Variants in LMX1A observed in about 807,000 individuals in gnomAD.
The protein encoded by LMX1A is LIM homeobox transcription factor 1-alpha.
Under a neutral mutation model 49.1 loss-of-function variants are expected in LMX1A, and 15 were observed. The ratio of observed to expected loss-of-function variants is 0.31; its 90% CI spans 0.20 to 0.47. The LOEUF is 0.47. Among genes scored for constraint, LMX1A ranks in the 20% least tolerant of loss-of-function variants. LMX1A has a pLI of 1.00. For missense variants in LMX1A, 372 were observed against 475.8 expected, an observed-to-expected ratio of 0.78 and a Z score of 2.03; for synonymous variants, 167 against 185.7, an observed-to-expected ratio of 0.90 and a Z score of 0.82.
intron 3 of LMX1A, among the ~76,000 whole-genome samples, chr1:165,280,577 C>A (rs1330796953): frequency 6.6e-6 from 1 of 152,176 alleles, no homozygotes; most frequent in Admixed American, 6.5e-5. Flanking sequence ...TTTGGCTTTG[C>A]GACCATCACT....
At chr1:165,255,002 A>T (rs1050042856) in intron 3 of LMX1A, among the ~76,000 whole-genome samples, 14 of 152,358 alleles carry the variant, frequency 9.2e-5, no homozygotes, top group Non-Finnish European at 1.8e-4. Flanking sequence ...CCATGGCAGT[A>T]CTAGTTGCAG....
chr1:165,342,966 C>G (rs943194955), intron 3 of LMX1A, among the ~76,000 whole-genome samples: 1 of 152,076 alleles, frequency 6.6e-6, no homozygotes, highest in Admixed American at 6.5e-5. Context: ...CTTCCCTGAG[C>G]CTTTATTTCC....
At chr1:165,213,884 C>T in intron 4 of LMX1A, 71 bp from the exon 5 acceptor site, 1 of 1,381,456 alleles carries the variant, frequency 7.2e-7, no homozygotes, top group Non-Finnish European at 1.0e-6. Flanking sequence ...TATTCCATAG[C>T]AAGGCCTCCA....
intron 3 of LMX1A, among the ~76,000 whole-genome samples, chr1:165,337,886 T>TGTGTGTGTGTGTGTGTGTG (rs1553213775): frequency 1.4e-4 from 3 of 20,782 alleles, no homozygotes; most frequent in African/African-American, 3.0e-4. Flanking sequence ...GTGTGTGTGT[T>TGTGTGTGTGTGTGTGTGTG]TCTGTGTGTG....
rs79206119 is a variant in LMX1A, at chr1:165,211,701, C to G, written c.670-925G>C. On this transcript the variant is annotated intron_variant, in intron 5 of 8. Transcript: ENST00000342310. ...TTTTATAGCACATCCTTCTGCTAAG[C>G]CAACTAAAATAGGAGTGTACTCAGG... is the stretch of plus-strand genomic sequence containing the variant. Among the ~76,000 whole-genome samples the G allele has an allele frequency of 7.8e-3, 1,194 of 152,246 alleles. 47 individuals carry two copies. The highest frequency in any genetic ancestry group is 0.062 in the Admixed American group (941 of 15,288).
intron 3 of LMX1A, among the ~76,000 whole-genome samples, chr1:165,330,599 T>C (rs1299138170): frequency 2.0e-5 from 3 of 152,188 alleles, no homozygotes; most frequent in African/African-American, 2.4e-5. Flanking sequence ...TATGTGAAGA[T>C]AGCAGACAAC....
At chr1:165,350,462 C>G (rs1656392444) in intron 3 of LMX1A, among the ~76,000 whole-genome samples, 1 of 152,148 alleles carries the variant, frequency 6.6e-6, no homozygotes, top group African/African-American at 2.4e-5. Context: ...TCATTGTCCT[C>G]TCCTCATCTA....
At chr1:165,299,457 C>T (rs888957800) in intron 3 of LMX1A, among the ~76,000 whole-genome samples, 2 of 152,026 alleles carry the variant, frequency 1.3e-5, no homozygotes, top group African/African-American at 2.4e-5. Context: ...TACCATAGGA[C>T]GGAAGGTATT....
intron 5 of LMX1A, chr1:165,212,695 G>T (rs1651461478): frequency 6.6e-6 from 1 of 152,084 alleles, no homozygotes; most frequent in Non-Finnish European, 1.5e-5. Flanking sequence ...TAAACAATAA[G>T]TACTCAATAA....
intron 3 of LMX1A, 55 bp downstream of exon 3, chr1:165,353,021 T>A: frequency 6.3e-7 from 1 of 1,575,982 alleles, no homozygotes; most frequent in South Asian, 1.1e-5. Flanking sequence ...GACAAAGTCC[T>A]CGACGCACAC....
intron 3 of LMX1A, among the ~76,000 whole-genome samples, chr1:165,297,517 C>A (rs541342637): frequency 6.6e-6 from 1 of 152,296 alleles, no homozygotes; most frequent in African/African-American, 2.4e-5. Flanking sequence ...ACTTAAGAAG[C>A]AGAACACTCA....
At chr1:165,328,308 A>T (rs1319293199) in intron 3 of LMX1A, among the ~76,000 whole-genome samples, 3 of 152,260 alleles carry the variant, frequency 2.0e-5, no homozygotes, top group Non-Finnish European at 4.4e-5. Context: ...TAAACAGATC[A>T]CATAAAGATG....
intron 3 of LMX1A, among the ~76,000 whole-genome samples, chr1:165,326,147 A>G (rs1454927914): frequency 6.6e-6 from 1 of 152,194 alleles, no homozygotes; most frequent in African/African-American, 2.4e-5. Context: ...TCCAATAGGC[A>G]TGAGAAGGCT....
intron 3 of LMX1A, among the ~76,000 whole-genome samples, chr1:165,264,373 C>A (rs1233641518): frequency 2.0e-5 from 3 of 152,194 alleles, no homozygotes; most frequent in African/African-American, 7.2e-5. Context: ...TTTAAAATCA[C>A]AGTGACTAGT....
chr1:165,265,273 G>C (rs925550833), intron 3 of LMX1A, among the ~76,000 whole-genome samples: 1 of 151,750 alleles, frequency 6.6e-6, no homozygotes, highest in Non-Finnish European at 1.5e-5. Flanking sequence ...TGGACCTTCA[G>C]GTTCCAAGTT....
In LMX1A at chr1:165,249,459, C is replaced by T. The variant is rs1652974719; in HGVS notation, c.445G>A (p.Glu149Lys). The T allele has an allele frequency of 6.2e-7, 1 of 1,614,076 alleles. No individual in the cohort carries two copies. The highest frequency in any genetic ancestry group is 1.3e-5 in the African/African-American group (1 of 74,932). ...AGGCTGAGCAGCTCCCGCTCCTTCTCATAGTCCCCTTTGCAGAGCAGCTGC... is the reference window on the plus strand; with the variant it reads ...AGGCTGAGCAGCTCCCGCTCCTTCTTATAGTCCCCTTTGCAGAGCAGCTGC... ...EGQLLCKGDY[E>K]KERELLSLVS... The change falls in exon 4 of 9, where the codon GAG (glutamate) becomes AAG (lysine). Residue 149 changes from glutamate (E) to lysine (K), a missense_variant. This residue lies in a region of LMX1A where 199 missense variants were observed against 244.0 expected (regional missense o/e 0.82). Transcript: ENST00000342310.
At chr1:165,217,572 G>A (rs1651689369) in intron 4 of LMX1A, among the ~76,000 whole-genome samples, 4 of 152,348 alleles carry the variant, frequency 2.6e-5, no homozygotes, top group Middle Eastern at 3.4e-3. Context: ...CAGGACCCCT[G>A]CATATACTCA....
chr1:165,279,654 T>C (rs1654086555), intron 3 of LMX1A, among the ~76,000 whole-genome samples: 1 of 152,164 alleles, frequency 6.6e-6, no homozygotes, highest in Non-Finnish European at 1.5e-5. Flanking sequence ...TGAGTATATC[T>C]AGGACTGCAC....
intron 3 of LMX1A, among the ~76,000 whole-genome samples, chr1:165,318,385 T>C (rs1655282472): frequency 6.6e-6 from 1 of 152,172 alleles, no homozygotes; most frequent in South Asian, 2.1e-4. Context: ...AGGTGACTTG[T>C]TCATGTTGGC....
Sources: gnomAD v4.1 joint callset for allele counts (sites outside exome capture counted in the v4.1 genomes callset) on GRCh38, gnomAD v4.1.1 for gene constraint, gnomAD v4.1.1 regional missense constraint, MANE v1.5 for transcripts, NCBI Gene and HGNC (gene_info 2026-07-23, HGNC 2026-07-21) for gene names.